KLHL29: variants seen among roughly 807,000 people sequenced by gnomAD.
The protein encoded by KLHL29 is kelch-like protein 29.
A neutral mutation model predicts 80.4 loss-of-function variants in KLHL29; 21 were observed. That is an observed-to-expected ratio of 0.26 (90% CI 0.19 to 0.38). KLHL29 has a LOEUF of 0.38. Among genes scored for constraint, KLHL29 ranks in the 10% least tolerant of loss-of-function variants. The pLI, the probability that KLHL29 is intolerant of heterozygous loss-of-function variation, is 1.00. For synonymous variants in KLHL29, 511 were observed against 526.8 expected, an observed-to-expected ratio of 0.97 and a Z score of 0.41; for missense variants, 867 against 1,223.9, an observed-to-expected ratio of 0.71 and a Z score of 4.35.
chr2:23,639,214 A>T lies in KLHL29; in HGVS notation c.361A>T (p.Asn121Tyr). 1 of 1,548,248 alleles carries T rather than the reference A, an allele frequency of 6.5e-7. No homozygotes were observed. The highest frequency in any genetic ancestry group is 1.2e-5 in the South Asian group (1 of 83,238). Residue 121 changes from asparagine to tyrosine, a missense_variant, in exon 4 of 14, where the codon AAT (asparagine) becomes TAT (tyrosine). Physicochemically the swap from Asn to Tyr is moderately radical, Grantham distance 143. Around this residue, in one of 2 missense-constraint regions of KLHL29, gnomAD observed 424 missense variants for 456.9 expected, o/e 0.93. Transcript: ENST00000486442. ...TSIRWGQTPI[N>Y]QSTPWDTDEP... The stretch of plus-strand genomic sequence containing the variant: ...CATCCGGTGGGGGCAGACGCCTATC[A>T]ATCAGTCCACACCCTGGGACACTGA...
chr2:23,479,680 C>CT (rs920888505), intron 2 of KLHL29, among the ~76,000 whole-genome samples: 1 of 152,146 alleles, frequency 6.6e-6, no homozygotes, highest in African/African-American at 2.4e-5. Context: ...ATATCAGACT[C>CT]TACCTGTCCA....
intron 1 of KLHL29, among the ~76,000 whole-genome samples, chr2:23,395,937 C>T (rs1256966641): frequency 1.3e-5 from 2 of 152,144 alleles, no homozygotes; most frequent in Non-Finnish European, 2.9e-5. Flanking sequence ...ACCACATTTT[C>T]GTTCCTGACA....
chr2:23,452,900 T>TCA (rs1478291963), intron 1 of KLHL29, among the ~76,000 whole-genome samples: 42 of 141,744 alleles, frequency 3.0e-4, no homozygotes, highest in African/African-American at 9.4e-4. Context: ...TGAAGACTGG[T>TCA]CACCCCCCCG....
intron 13 of KLHL29, among the ~76,000 whole-genome samples, chr2:23,706,211 T>C (rs1672710653): frequency 6.6e-6 from 1 of 152,210 alleles, no homozygotes; most frequent in African/African-American, 2.4e-5. Flanking sequence ...ATCTTTCGTC[T>C]CCTAGCCATG....
chr2:23,492,598 G>A (rs1278726663), intron 2 of KLHL29, among the ~76,000 whole-genome samples: 1 of 152,226 alleles, frequency 6.6e-6, no homozygotes, highest in African/African-American at 2.4e-5. Flanking sequence ...TTTGCAATGG[G>A]AAGTAAGGGA....
chr2:23,670,917 G>GCGCGCACTCTCTCT lies in KLHL29; in HGVS notation c.941-13481_941-13480insGCGCACTCTCTCTC, dbSNP rs150131401. ...GAGGGGTCTCTACACACATGCACGC[G>GCGCGCACTCTCTCT]CTCTCTCTCTCTCTCTCTCTCTCTC... On this transcript the variant is annotated intron_variant, in intron 5 of 13. Coordinates refer to ENST00000486442, the MANE Select transcript of KLHL29 (RefSeq NM_052920.2). 6.5e-4 allele frequency among the ~76,000 whole-genome samples: 12 copies of GCGCGCACTCTCTCT among 18,568 alleles called. 2 individuals are homozygous for GCGCGCACTCTCTCT. The highest frequency in any genetic ancestry group is 3.1e-3 in the South Asian group (1 of 318). The allele number at this position is 18,568 out of a possible 152,430, so 12.2% of individuals were successfully genotyped here.
intron 5 of KLHL29, among the ~76,000 whole-genome samples, chr2:23,661,265 CGAG>C (rs914010338): frequency 4.7e-5 from 7 of 150,062 alleles, no homozygotes; most frequent in African/African-American, 7.4e-5. Context: ...TTGCCTGAGC[CGAG>C]GAGTTTGAGG....
rs191905526 is a variant in KLHL29, at chr2:23,645,854, G to C, written c.940+3004G>C. 2.5e-3 allele frequency among the ~76,000 whole-genome samples: 380 copies of C among 152,306 alleles called. 2 individuals carry two copies. Among genetic ancestry groups the C allele is most frequent in the Middle Eastern group, 0.017 (5 of 294 alleles). On this transcript the variant is annotated intron_variant, in intron 5 of 13. Coordinates refer to ENST00000486442, the MANE Select transcript of KLHL29 (RefSeq NM_052920.2). ...TAACCAGTTGAAAAATAAAGGTGGC[G>C]TGGAAATGCTTTTTGATTTGCAGTA...
intron 1 of KLHL29, among the ~76,000 whole-genome samples, chr2:23,458,389 A>G (rs929515025): frequency 6.6e-6 from 1 of 152,222 alleles, no homozygotes; most frequent in Admixed American, 6.5e-5. Context: ...GCCATAGACA[A>G]TACATAAACA....
intron 2 of KLHL29, among the ~76,000 whole-genome samples, chr2:23,520,347 C>G (rs538286946): frequency 6.6e-6 from 1 of 152,256 alleles, no homozygotes; most frequent in Admixed American, 6.5e-5. Flanking sequence ...GATCTGCACC[C>G]AGGGAGGGCT....
rs143009876 is a variant in KLHL29, at chr2:23,536,918, A to ACACACTCTCTCT, written c.-45-25233_-45-25232insACACTCTCTCTC. ...CACACACACACACACACACACACAC[A>ACACACTCTCTCT]CTCTCTCTCTCCCTCTCTCGCTCTC... On this transcript the variant is annotated intron_variant, in intron 2 of 13. Coordinates refer to ENST00000486442, the MANE Select transcript of KLHL29 (RefSeq NM_052920.2). Among the ~76,000 whole-genome samples, 960 of 140,694 alleles carry ACACACTCTCTCT rather than the reference A, an allele frequency of 6.8e-3. 7 individuals are homozygous for ACACACTCTCTCT. The highest frequency in any genetic ancestry group is 0.042 in the South Asian group (180 of 4,278). The allele number at this position is 140,694 out of a possible 152,430, so 92.3% of individuals were successfully genotyped here. A position where few individuals can be genotyped will look rare whatever the true frequency, so the allele number is the denominator to read the frequency against.
intron 5 of KLHL29, among the ~76,000 whole-genome samples, chr2:23,673,676 A>G (rs1174713758): frequency 6.7e-6 from 1 of 150,030 alleles, no homozygotes; most frequent in Non-Finnish European, 1.5e-5. Context: ...AGGGGTGCAT[A>G]CACACACCCA....
chr2:23,562,624 G>C lies in KLHL29; in HGVS notation c.285+143G>C. ...CCAGAGTCTTGTCCTTCCAGGACCT[G>C]GGCCTGGAAACTGTTTGCGAGCATT... On this transcript the variant is annotated intron_variant, in intron 3 of 13. Coordinates refer to ENST00000486442, the MANE Select transcript of KLHL29 (RefSeq NM_052920.2). The surrounding 1 kb of genome is among the most constrained non-coding windows in gnomAD (Gnocchi z 4.5). 1.2e-6 allele frequency: 1 copy of C among 811,482 alleles called. No individual in the cohort carries two copies. The highest frequency in any genetic ancestry group is 1.8e-5 in the South Asian group (1 of 54,644). 50.3% of individuals were successfully genotyped at this position (811,482 alleles called of 1,614,324 possible).
At chr2:23,673,772 ACACT>A (rs1313707202) in intron 5 of KLHL29, among the ~76,000 whole-genome samples, 4 of 151,582 alleles carry the variant, frequency 2.6e-5, no homozygotes, top group Non-Finnish European at 4.4e-5. Flanking sequence ...ACATGCTCTC[ACACT>A]CACATACACA....
At chr2:23,651,739 G>T (rs1670093638) in intron 5 of KLHL29, among the ~76,000 whole-genome samples, 1 of 152,186 alleles carries the variant, frequency 6.6e-6, no homozygotes, top group Non-Finnish European at 1.5e-5. Flanking sequence ...TTGCAGGCTG[G>T]AAGTCCAACA....
chr2:23,551,134 T>C (rs749079621), intron 2 of KLHL29, among the ~76,000 whole-genome samples: 7 of 152,222 alleles, frequency 4.6e-5, no homozygotes, highest in Non-Finnish European at 1.0e-4. Flanking sequence ...CCACCACAGC[T>C]CCCTCATCGA....
rs181837241 is a variant in KLHL29, at chr2:23,497,810, G to T, written c.-46+22143G>T. Reference sequence around the variant, plus strand: ...GCTGTGAGCTGGAGGTGTCGAGTGGGCCTCAGCACTGAAGTCAGGGGAAAC... The same window carrying T: ...GCTGTGAGCTGGAGGTGTCGAGTGGTCCTCAGCACTGAAGTCAGGGGAAAC... On this transcript the variant is annotated intron_variant, in intron 2 of 13. Coordinates refer to ENST00000486442, the MANE Select transcript of KLHL29 (RefSeq NM_052920.2). Among the ~76,000 whole-genome samples the T allele has an allele frequency of 5.9e-5, 9 of 152,276 alleles. No individual in the cohort carries two copies. In the East Asian group the frequency reaches 1.5e-3, roughly 26 times the overall value.
At chr2:23,439,583 A>G (rs1280869880) in intron 1 of KLHL29, among the ~76,000 whole-genome samples, 5 of 152,308 alleles carry the variant, frequency 3.3e-5, no homozygotes, top group African/African-American at 1.2e-4. Context: ...GTAGTCATTC[A>G]GGAGCAGCTT....
rs532486222 is a variant in KLHL29, at chr2:23,624,704, C to T, written c.286-14435C>T. On this transcript the variant is annotated intron_variant, in intron 3 of 13. Coordinates refer to ENST00000486442, the MANE Select transcript of KLHL29 (RefSeq NM_052920.2). ...TGGGGGAGTCTCTGGCTGCAGCAAC[C>T]CAGAGAAAACTGATGGAGAAAGACT... 5.0e-3 allele frequency among the ~76,000 whole-genome samples: 768 copies of T among 152,270 alleles called. 5 individuals are homozygous for T. The highest frequency in any genetic ancestry group is 0.017 in the African/African-American group (703 of 41,544).
Sources: allele counts gnomAD v4.1 joint callset (sites outside exome capture counted in the v4.1 genomes callset), GRCh38; gene constraint gnomAD v4.1.1; regional missense constraint gnomAD v4.1.1; non-coding constraint Gnocchi (gnomAD v3.1); transcripts MANE v1.5; gene names NCBI Gene and HGNC (gene_info 2026-07-23, HGNC 2026-07-21).